Variants in DLGAP2 observed in about 807,000 individuals in gnomAD.
DLGAP2 encodes the protein disks large-associated protein 2.
DLGAP2 carries 26 observed loss-of-function variants against 100.3 expected under a neutral mutation model. The observed-to-expected ratio is 0.26, with a 90% CI of 0.19 to 0.36. The LOEUF is 0.36. Among genes scored for constraint, DLGAP2 ranks in the 10% least tolerant of loss-of-function variants. The probability of loss-of-function intolerance (pLI) is 1.00; values close to 1 mark genes in which losing one functional copy is unlikely to be tolerated. For missense variants in DLGAP2, 1,858 were observed against 1,453.2 expected (o/e 1.28, Z -4.53); for synonymous variants, 886 against 630.1 (o/e 1.41, Z -6.08).
At chr8:1,627,027 C>T in intron 7 of DLGAP2, 140 bp downstream of exon 7, 2 of 1,025,182 alleles carry the variant, frequency 2.0e-6, no homozygotes, top group Non-Finnish European at 2.8e-6. Flanking sequence ...AGGGGGTTCC[C>T]CTGGAATTAG....
intron 2 of DLGAP2, among the ~76,000 whole-genome samples, chr8:1,227,598 A>G (rs191067936): frequency 3.3e-5 from 5 of 152,084 alleles, no homozygotes; most frequent in African/African-American, 1.2e-4. Flanking sequence ...GGTTCAAGCA[A>G]TTCTCAAGCA....
intron 8 of DLGAP2, among the ~76,000 whole-genome samples, chr8:1,657,030 C>G (rs1454396090): frequency 6.6e-6 from 1 of 152,234 alleles, no homozygotes; most frequent in East Asian, 1.9e-4. Flanking sequence ...GTGTTGTTTA[C>G]ATGGTAAAAG....
intron 1 of DLGAP2, among the ~76,000 whole-genome samples, chr8:814,470 A>T (rs567022490): frequency 4.6e-5 from 7 of 152,192 alleles, no homozygotes; most frequent in Non-Finnish European, 7.3e-5. Context: ...TGTCCTGAGG[A>T]TGTATTACTA....
At chr8:1,557,698 A>G (rs1053356254) in intron 5 of DLGAP2, among the ~76,000 whole-genome samples, 3 of 152,100 alleles carry the variant, frequency 2.0e-5, no homozygotes, top group Admixed American at 2.0e-4. Flanking sequence ...TCCCAAGGCC[A>G]GCTCCTGCTG....
At chr8:1,028,306 G>A (rs1164025927) in intron 2 of DLGAP2, among the ~76,000 whole-genome samples, 1 of 130,776 alleles carries the variant, frequency 7.6e-6, no homozygotes, top group South Asian at 2.8e-4. Context: ...TCTCCAGGTC[G>A]GGTGTCAGGC....
chr8:1,349,282 C>A (rs1332713586), intron 3 of DLGAP2, among the ~76,000 whole-genome samples: 1 of 151,424 alleles, frequency 6.6e-6, no homozygotes, highest in African/African-American at 2.4e-5. Context: ...GAGCCTCCCG[C>A]CGACATCCAC....
chr8:1,025,526 A>T (rs1213930201), intron 2 of DLGAP2, among the ~76,000 whole-genome samples: 2 of 152,210 alleles, frequency 1.3e-5, no homozygotes, highest in Non-Finnish European at 2.9e-5. Context: ...AGAATAGTTA[A>T]GTCAAATGTC....
intron 2 of DLGAP2, among the ~76,000 whole-genome samples, chr8:960,686 C>T (rs994604502): frequency 6.6e-5 from 10 of 152,150 alleles, no homozygotes; most frequent in Non-Finnish European, 1.2e-4. Context: ...GGAAATTGGA[C>T]ATACATTTAA....
intron 3 of DLGAP2, among the ~76,000 whole-genome samples, chr8:1,489,333 C>T (rs908050352): frequency 6.6e-6 from 1 of 152,122 alleles, no homozygotes; most frequent in Non-Finnish European, 1.5e-5. Flanking sequence ...TGGATGGCAC[C>T]GGTGACTGGC....
At chr8:1,208,960 C>G (rs1798051091) in intron 2 of DLGAP2, among the ~76,000 whole-genome samples, 1 of 151,974 alleles carries the variant, frequency 6.6e-6, no homozygotes, top group Admixed American at 6.6e-5. Flanking sequence ...CTCTACACCT[C>G]TACAAGGAAA....
chr8:1,185,634 A>G (rs770280583), intron 2 of DLGAP2, among the ~76,000 whole-genome samples: 5 of 152,108 alleles, frequency 3.3e-5, no homozygotes, highest in African/African-American at 1.2e-4. Flanking sequence ...AAAGGACCAC[A>G]CAATTCCAAA....
intron 3 of DLGAP2, among the ~76,000 whole-genome samples, chr8:1,343,090 C>G (rs73670775): frequency 0.11 from 16,053 of 152,232 alleles, 894 homozygotes; most frequent in South Asian, 0.13. Context: ...ACTGGCCAGT[C>G]CTTAGTAGAT....
chr8:1,529,258 C>G (rs1310002745), intron 4 of DLGAP2, among the ~76,000 whole-genome samples: 1 of 152,210 alleles, frequency 6.6e-6, no homozygotes, highest in Non-Finnish European at 1.5e-5. Context: ...TGAGATCTCA[C>G]TCACTATCAT....
chr8:890,442 A>C (rs1294880506), intron 1 of DLGAP2, among the ~76,000 whole-genome samples: 5 of 151,994 alleles, frequency 3.3e-5, no homozygotes, highest in East Asian at 2.0e-4. Flanking sequence ...TTGCCTCTCC[A>C]GCCTGATGGA....
intron 3 of DLGAP2, among the ~76,000 whole-genome samples, chr8:1,493,034 C>T (rs1338879895): frequency 6.6e-6 from 1 of 152,172 alleles, no homozygotes; most frequent in African/African-American, 2.4e-5. Context: ...GCCAGGATCT[C>T]AGGGGCAGGC....
chr8:790,011 T>G (rs569205332), intron 1 of DLGAP2, among the ~76,000 whole-genome samples: 1 of 152,274 alleles, frequency 6.6e-6, no homozygotes, highest in South Asian at 2.1e-4. Context: ...CAGTGGTAAT[T>G]CAGTCATGGG....
chr8:1,306,800 A>G (rs1291228431), intron 3 of DLGAP2, among the ~76,000 whole-genome samples: 1 of 152,198 alleles, frequency 6.6e-6, no homozygotes, highest in Non-Finnish European at 1.5e-5. Context: ...ATGGAGAAGG[A>G]ACAGTGTTTT....
chr8:1,174,675 CA>C (rs1797215165), intron 2 of DLGAP2, among the ~76,000 whole-genome samples: 2 of 149,754 alleles, frequency 1.3e-5, no homozygotes, highest in Admixed American at 1.4e-4. Context: ...TCATCACCAT[CA>C]CCACCATCAT....
chr8:1,202,084 G>A (rs1159531946), intron 2 of DLGAP2, among the ~76,000 whole-genome samples: 1 of 152,014 alleles, frequency 6.6e-6, no homozygotes, highest in Non-Finnish European at 1.5e-5. Flanking sequence ...CGCCTGTGGT[G>A]TGTGCAAGTG....
Sources: gnomAD v4.1 joint callset for allele counts (sites outside exome capture counted in the v4.1 genomes callset) on GRCh38, gnomAD v4.1.1 for gene constraint, MANE v1.5 for transcripts, NCBI Gene and HGNC (gene_info 2026-07-23, HGNC 2026-07-21) for gene names.